Variants in SKA2 observed in about 807,000 individuals in gnomAD.
SKA2 encodes the protein spindle and kinetochore associated complex subunit 2.
In SKA2, 13 loss-of-function variants were observed where a neutral mutation model predicts 16.9. The ratio of observed to expected loss-of-function variants is 0.77; its 90% CI spans 0.50 to 1.22. The LOEUF is 1.22. SKA2 is among the 50% of genes most tolerant of loss of function. The probability of loss-of-function intolerance (pLI) is 0.00; values close to 1 mark genes in which losing one functional copy is unlikely to be tolerated. For synonymous variants in SKA2, 47 were observed against 48.5 expected (o/e 0.97, Z 0.13); for missense variants, 107 against 139.7 (o/e 0.77, Z 1.18).
intron 1 of SKA2, among the ~76,000 whole-genome samples, chr17:59,138,931 A>G (rs2147812631): frequency 6.6e-6 from 1 of 152,332 alleles, no homozygotes; most frequent in East Asian, 1.9e-4. Flanking sequence ...ATGCTCTCCT[A>G]CAAAGGACCA....
chr17:59,151,407 T>C (rs1382119358), intron 1 of SKA2, among the ~76,000 whole-genome samples: 1 of 152,200 alleles, frequency 6.6e-6, no homozygotes, highest in Non-Finnish European at 1.5e-5. Context: ...ATGACTAATA[T>C]ACAAATTAAC....
At chr17:59,127,577 G>A (rs1013020181) in intron 2 of SKA2, among the ~76,000 whole-genome samples, 2 of 151,896 alleles carry the variant, frequency 1.3e-5, no homozygotes, top group Admixed American at 6.6e-5. Context: ...TAGTAGAGAC[G>A]GGTTTCATCA....
At chr17:59,124,060 T>C (rs1326164196) in intron 2 of SKA2, among the ~76,000 whole-genome samples, 1 of 152,022 alleles carries the variant, frequency 6.6e-6, no homozygotes, top group East Asian at 1.9e-4. Context: ...TTCTTGAGGG[T>C]GGGAGTGTGA....
In SKA2 at chr17:59,112,129, C is replaced by T. The variant is rs2046267348; in HGVS notation, c.*148G>A. 1 of 619,364 alleles carries T rather than the reference C, an allele frequency of 1.6e-6. No homozygotes were observed. Among genetic ancestry groups the T allele is most frequent in the South Asian group, 2.1e-5 (1 of 47,614 alleles). The allele number at this position is 619,364 out of a possible 1,614,324, so 38.4% of individuals were successfully genotyped here. A position where few individuals can be genotyped will look rare whatever the true frequency, so the allele number is the denominator to read the frequency against. ...CTGCCCTTCTTCTTATAATCTCTCT[C>T]ATGAAAGATATCATTATCCAGTCAT... On this transcript the variant is annotated 3_prime_UTR_variant, in exon 4 of 4. Transcript: ENST00000330137.
intron 2 of SKA2, among the ~76,000 whole-genome samples, chr17:59,130,058 G>C (rs1264029686): frequency 4.0e-5 from 6 of 149,352 alleles, no homozygotes; most frequent in Non-Finnish European, 8.9e-5. Context: ...GAGAGAGAAA[G>C]AAAAAAGGGA....
At chr17:59,115,923 A>G (rs897450590) in intron 3 of SKA2, among the ~76,000 whole-genome samples, 2 of 152,258 alleles carry the variant, frequency 1.3e-5, no homozygotes, top group Non-Finnish European at 2.9e-5. Flanking sequence ...GGAAGATCAT[A>G]GAATACCACA....
At chr17:59,141,696 C>T (rs115712311) in intron 1 of SKA2, among the ~76,000 whole-genome samples, 2,701 of 148,982 alleles carry the variant, frequency 0.018, 80 homozygotes, top group African/African-American at 0.064. Context: ...TGCACTCCAA[C>T]CTGCATGACA....
intron 3 of SKA2, among the ~76,000 whole-genome samples, chr17:59,117,104 C>T (rs922894858): frequency 1.3e-5 from 2 of 151,972 alleles, no homozygotes; most frequent in East Asian, 1.9e-4. Flanking sequence ...TGTGAGCCAC[C>T]GCACCCGGCC....
In SKA2 at chr17:59,154,183, A is replaced by AAAAAG. The variant is rs1555714040; in HGVS notation, c.33+943_33+947dup. Among the ~76,000 whole-genome samples the AAAAAG allele has an allele frequency of 5.7e-3, 869 of 151,530 alleles. 7 individuals carry two copies. Among genetic ancestry groups the AAAAAG allele is most frequent in the African/African-American group, 0.02 (820 of 41,220 alleles). Reference sequence around the variant, plus strand: ...GCAGCCCAACCTGGGAAAAAAAAAAAAAAAGAAAAGAAAAGAAAAAAAAGA... The same window carrying AAAAAG: ...GCAGCCCAACCTGGGAAAAAAAAAAAAAAAGAAAAGAAAAGAAAAGAAAAAAAAGA... On this transcript the variant is annotated intron_variant, in intron 1 of 3. Coordinates refer to ENST00000330137, the MANE Select transcript of SKA2 (RefSeq NM_182620.4).
chr17:59,145,286 C>T lies in SKA2; in HGVS notation c.33+9845G>A, dbSNP rs562188026. 3.3e-5 allele frequency among the ~76,000 whole-genome samples: 5 copies of T among 152,230 alleles called. No individual in the cohort carries two copies. The South Asian group carries it at 8.3e-4, about 25-fold the overall frequency. On this transcript the variant is annotated intron_variant, in intron 1 of 3. Transcript: ENST00000330137. ...CGTAATAAACAGTATGGTAAGAAAACTTAATAGCTAGAATATTGATCTTAC... is the reference window on the plus strand; with the variant it reads ...CGTAATAAACAGTATGGTAAGAAAATTTAATAGCTAGAATATTGATCTTAC...
At chr17:59,150,935 A>C (rs1427102950) in intron 1 of SKA2, among the ~76,000 whole-genome samples, 8 of 152,216 alleles carry the variant, frequency 5.3e-5, no homozygotes, top group Non-Finnish European at 1.2e-4. Context: ...TTAGATATAA[A>C]AAATATTCTC....
intron 1 of SKA2, among the ~76,000 whole-genome samples, chr17:59,141,375 G>T (rs145841613): frequency 6.6e-6 from 1 of 151,842 alleles, no homozygotes; most frequent in Non-Finnish European, 1.5e-5. Flanking sequence ...GCAGCCTGGC[G>T]ACAGAGCAAG....
At chr17:59,153,956 T>C (rs1599684126) in intron 1 of SKA2, among the ~76,000 whole-genome samples, 2 of 151,420 alleles carry the variant, frequency 1.3e-5, no homozygotes, top group South Asian at 4.2e-4. Flanking sequence ...ATTTTTAGTA[T>C]AGACGGAGTT....
At chr17:59,128,679 ATATATTATATGATTC>A (rs984108922) in intron 2 of SKA2, among the ~76,000 whole-genome samples, 2 of 152,128 alleles carry the variant, frequency 1.3e-5, no homozygotes, top group Non-Finnish European at 2.9e-5. Context: ...ATGAAAGGTC[ATATATTATATGATTC>A]TATTTATCTG....
intron 1 of SKA2, among the ~76,000 whole-genome samples, chr17:59,150,073 T>C (rs1456125389): frequency 1.3e-5 from 2 of 152,128 alleles, no homozygotes; most frequent in African/African-American, 4.8e-5. Flanking sequence ...GCTGTGGTGG[T>C]GGTTACATGA....
chr17:59,112,248 G>A lies in SKA2; in HGVS notation c.*29C>T, dbSNP rs757611674. ...TTTCTCCGGAATTAAGCTCTTCTCT[G>A]TTAGAATTTCCTTTCCAAGTCCATT... On this transcript the variant is annotated 3_prime_UTR_variant, in exon 4 of 4. Coordinates refer to ENST00000330137, the MANE Select transcript of SKA2 (RefSeq NM_182620.4). The A allele has an allele frequency of 6.4e-7, 1 of 1,572,886 alleles. No homozygotes were observed. Among genetic ancestry groups the A allele is most frequent in the Non-Finnish European group, 8.7e-7 (1 of 1,149,618 alleles).
intron 2 of SKA2, among the ~76,000 whole-genome samples, chr17:59,122,022 G>A (rs1177762715): frequency 6.6e-6 from 1 of 151,918 alleles, no homozygotes; most frequent in South Asian, 2.1e-4. Context: ...CTATAGAGCA[G>A]GAGGTCAGAT....
chr17:59,147,626 T>C (rs966265899), intron 1 of SKA2, among the ~76,000 whole-genome samples: 2 of 144,242 alleles, frequency 1.4e-5, no homozygotes, highest in African/African-American at 2.5e-5. Context: ...CTTGATCTAC[T>C]TTTTTTTTTT....
chr17:59,142,481 G>C (rs2046498142), intron 1 of SKA2, among the ~76,000 whole-genome samples: 1 of 151,568 alleles, frequency 6.6e-6, no homozygotes, highest in East Asian at 2.0e-4. Context: ...GTAGAGATGG[G>C]GTTTCTCTAT....
Sources: allele counts gnomAD v4.1 joint callset (sites outside exome capture counted in the v4.1 genomes callset), GRCh38; gene constraint gnomAD v4.1.1; transcripts MANE v1.5; gene names NCBI Gene and HGNC (gene_info 2026-07-23, HGNC 2026-07-21).